MYG1: variants seen among roughly 807,000 people sequenced by gnomAD.
MYG1 encodes MYG1 exonuclease, also known as UPF0160 protein MYG1, mitochondrial.
In MYG1, 36 loss-of-function variants were observed where a neutral mutation model predicts 43.5. The ratio of observed to expected loss-of-function variants is 0.83; its 90% confidence interval spans 0.63 to 1.09. The LOEUF (loss-of-function observed/expected upper bound fraction) is 1.09. Ranked by LOEUF, MYG1 falls within the 50% of genes least tolerant of loss-of-function variation. The probability of loss-of-function intolerance (pLI) is 0.00; values close to 1 mark genes in which losing one functional copy is unlikely to be tolerated. For synonymous variants in MYG1, 220 were observed against 202.8 expected (o/e 1.08, Z -0.72); for missense variants, 529 against 495.1 (o/e 1.07, Z -0.65).
intron 2 of MYG1, among the ~76,000 whole-genome samples, chr12:53,302,775 G>T (rs1944241031): frequency 6.6e-6 from 1 of 152,104 alleles, no homozygotes; most frequent in Non-Finnish European, 1.5e-5. Flanking sequence ...GAACTGACCT[G>T]AAGGCTCTCC....
intron 2 of MYG1, 58 bp from the exon 3 acceptor site, chr12:53,302,976 T>C (rs1162028860): frequency 1.1e-5 from 16 of 1,484,518 alleles, no homozygotes; most frequent in Non-Finnish European, 1.5e-5. Context: ...ATTGAATGAA[T>C]GCATGGAGAC....
chr12:53,307,113 C>A lies in MYG1; in HGVS notation c.1095C>A (p.Thr365=). Reference sequence around the variant, plus strand: ...GTGCCTTGAGCATGGCCCGTGCCACCTTGGCCCAGCGCTCATACCTCCCAC... The same window carrying A: ...GTGCCTTGAGCATGGCCCGTGCCACATTGGCCCAGCGCTCATACCTCCCAC... The part of the protein sequence containing the change: ...REGALSMARA[T]LAQRSYLPQI... Residue 365 remains threonine, a synonymous_variant, in exon 7 of 7, where the codon ACC becomes ACA. Coordinates refer to ENST00000267103, the MANE Select transcript of MYG1 (RefSeq NM_021640.4). 5.6e-6 allele frequency: 9 copies of A among 1,613,586 alleles called. No individual in the cohort carries two copies. The highest frequency in any genetic ancestry group is 1.3e-5 in the African/African-American group (1 of 75,068).
chr12:53,304,704 C>T (rs1001868497), intron 3 of MYG1, among the ~76,000 whole-genome samples: 2 of 152,132 alleles, frequency 1.3e-5, no homozygotes, highest in African/African-American at 4.8e-5. Flanking sequence ...GTCTTCCCAC[C>T]TCAGCCCCCC....
At chr12:53,306,173 T>A (rs1944277184) in intron 4 of MYG1, 25 bp from the exon 5 acceptor site, 4 of 1,613,872 alleles carry the variant, frequency 2.5e-6, no homozygotes, top group Admixed American at 1.7e-5. Flanking sequence ...GCCAGCATCA[T>A]GGTTCTAATT....
intron 2 of MYG1, 41 bp downstream of exon 2, chr12:53,300,303 A>C: frequency 7.0e-7 from 1 of 1,430,770 alleles, no homozygotes; most frequent in Non-Finnish European, 9.4e-7. Flanking sequence ...CCTTGACCTC[A>C]GCTTTCCTCT....
chr12:53,300,828 C>T lies in MYG1; in HGVS notation c.329+566C>T, dbSNP rs541327965. Among the ~76,000 whole-genome samples the T allele has an allele frequency of 1.2e-4, 18 of 152,312 alleles. No homozygotes were observed. The East Asian group carries it at 3.3e-3, about 28-fold the overall frequency. On this transcript the variant is annotated intron_variant, in intron 2 of 6. Coordinates refer to ENST00000267103, the MANE Select transcript of MYG1 (RefSeq NM_021640.4). Reference sequence around the variant, plus strand: ...CTCAAACATCCTCAGCTCCCTCCTACCAACTAAGGGAAATTTCTTCCCTTC... The same window carrying T: ...CTCAAACATCCTCAGCTCCCTCCTATCAACTAAGGGAAATTTCTTCCCTTC...
intron 2 of MYG1, among the ~76,000 whole-genome samples, chr12:53,302,659 A>G (rs1659347705): frequency 6.6e-6 from 1 of 152,102 alleles, no homozygotes; most frequent in Admixed American, 6.5e-5. Flanking sequence ...AAGTTCCATC[A>G]AGACACTTGT....
chr12:53,299,778 T>TGCC lies in MYG1; in HGVS notation c.48_50dup (p.Pro18dup), dbSNP rs755136928. ...CTGCGCGGCCTCTTAACGCTGCTGCTGCCGCCGCCACCCCTGTATACCCGG... is the reference window on the plus strand; with the variant it reads ...CTGCGCGGCCTCTTAACGCTGCTGCTGCCGCCGCCGCCACCCCTGTATACCCGG... On this transcript the variant is annotated inframe_insertion, in exon 1 of 7. Coordinates refer to ENST00000267103, the MANE Select transcript of MYG1 (RefSeq NM_021640.4). 2.1e-5 allele frequency: 34 copies of TGCC among 1,613,890 alleles called. No homozygotes were observed. Among genetic ancestry groups the TGCC allele is most frequent in the Non-Finnish European group, 2.8e-5 (33 of 1,179,952 alleles).
At position 53,306,001 on chromosome 12, in the gene MYG1, C is replaced by T. The variant is rs539662599; in HGVS notation, c.583C>T (p.Leu195=). ...GEPRYALTTT[L]SARVARLNPT... The stretch of plus-strand genomic sequence containing the variant: ...GCCTCGATATGCACTGACCACTACC[C>T]TGAGTGCACGAGTTGCTCGACTTAA... The change falls in exon 4 of 7, where the codon CTG becomes TTG. Residue 195 remains leucine (L), a synonymous_variant. Transcript: ENST00000267103. 1 of 1,614,144 alleles carries T rather than the reference C, an allele frequency of 6.2e-7. No homozygotes were observed. The highest frequency in any genetic ancestry group is 8.5e-7 in the Non-Finnish European group (1 of 1,180,010).
rs376769284 is a variant in MYG1 at position 53,299,828 on chromosome 12, G to A, written c.91G>A (p.Val31Ile). 8 of 1,614,004 alleles carry A rather than the reference G, an allele frequency of 5.0e-6. No individual in the cohort carries two copies. Among genetic ancestry groups the A allele is most frequent in the Middle Eastern group, 1.6e-4 (1 of 6,084 alleles). Residue 31 changes from valine to isoleucine, a missense_variant, in exon 1 of 7, where the codon GTC (valine) becomes ATC (isoleucine). Val to Ile is a conservative substitution (Grantham distance 29, BLOSUM62 3). Coordinates refer to ENST00000267103, the MANE Select transcript of MYG1 (RefSeq NM_021640.4). ...GCACCGCATGCTCGGTCCAGAGTCCGTCCCGCCCCCAAAACGATCCCGCAG... is the reference window on the plus strand; with the variant it reads ...GCACCGCATGCTCGGTCCAGAGTCCATCCCGCCCCCAAAACGATCCCGCAG... ...TRHRMLGPES[V>I]PPPKRSRSKL...
chr12:53,300,158 G>A lies in MYG1; in HGVS notation c.225G>A (p.Glu75=). 6.3e-7 allele frequency: 1 copy of A among 1,599,848 alleles called. No individual in the cohort carries two copies. The highest frequency in any genetic ancestry group is 8.5e-7 in the Non-Finnish European group (1 of 1,172,406). The change falls in exon 2 of 7, where the codon GAG becomes GAA. Residue 75 remains glutamate, a synonymous_variant. Transcript: ENST00000267103. ...CCCTGTGTACCTCGCAGGATGCAGA[G>A]ATTGTGCGGACCCGGGATCCCGAAA... is the stretch of plus-strand genomic sequence containing the variant. The part of the protein sequence containing the change: ...LRLLPEYRDA[E]IVRTRDPEKL...
Position 53,300,174 on chromosome 12 carries a change from G to C in MYG1, c.241G>C (p.Asp81His), listed in dbSNP as rs201625641. ...GGATGCAGAGATTGTGCGGACCCGG[G>C]ATCCCGAAAAACTCGCTTCCTGTGA... is the stretch of plus-strand genomic sequence containing the variant. ...YRDAEIVRTR[D>H]PEKLASCDIV... Residue 81 changes from aspartate to histidine, a missense_variant, in exon 2 of 7, where the codon GAT becomes CAT. Asp to His is a moderately conservative substitution (Grantham distance 81). Coordinates refer to ENST00000267103, the MANE Select transcript of MYG1 (RefSeq NM_021640.4). 7 of 1,604,940 alleles carry C rather than the reference G, an allele frequency of 4.4e-6. No homozygotes were observed.
chr12:53,305,862 T>A, intron 3 of MYG1, 46 bp from the exon 4 acceptor site: 1 of 1,541,788 alleles, frequency 6.5e-7, no homozygotes, highest in Non-Finnish European at 8.7e-7. Flanking sequence ...AGATTTCACA[T>A]AAGTAGCAGG....
In MYG1 at chr12:53,303,155, A is replaced by G; in HGVS notation, c.451A>G (p.Ser151Gly). Residue 151 changes from serine (S) to glycine (G), a missense_variant, in exon 3 of 7, where the codon AGT becomes GGT. Physicochemically the swap from Ser to Gly is moderately conservative, Grantham distance 56. Transcript: ENST00000267103. The part of the protein sequence containing the change: ...HKLLAQLLGT[S>G]EEDSMVGTLY... The stretch of plus-strand genomic sequence containing the variant: ...GCTGCTGGCCCAGTTGCTGGGCACT[A>G]GTGAAGAGGACAGCATGGTGGGCAC... The G allele has an allele frequency of 6.2e-7, 1 of 1,614,154 alleles. No homozygotes were observed. The highest frequency in any genetic ancestry group is 8.5e-7 in the Non-Finnish European group (1 of 1,180,012).
At chr12:53,300,399 A>C in intron 2 of MYG1, 137 bp downstream of exon 2, 1 of 646,992 alleles carries the variant, frequency 1.5e-6, no homozygotes, top group Non-Finnish European at 2.6e-6. Flanking sequence ...CACTAGGACT[A>C]CATCATCCTT....
rs1345174244 is a variant in MYG1 at position 53,303,197 on chromosome 12, G to A, written c.489+4G>A. The A allele has an allele frequency of 4.3e-6, 7 of 1,612,714 alleles. No homozygotes were observed. Among genetic ancestry groups the A allele is most frequent in the Non-Finnish European group, 5.9e-6 (7 of 1,179,320 alleles). Reference sequence around the variant, plus strand: ...GGTGGGCACCCTCTATGACAAGGTGGGGACCTGAGGACAGAGATGCCCCCC... The same window carrying A: ...GGTGGGCACCCTCTATGACAAGGTGAGGACCTGAGGACAGAGATGCCCCCC... On this transcript the variant is annotated splice_donor_region_variant and intron_variant, in intron 3 of 6. Transcript: ENST00000267103.
chr12:53,300,310 C>T (rs1434360515), intron 2 of MYG1, 48 bp downstream of exon 2: 1 of 1,386,054 alleles, frequency 7.2e-7, no homozygotes, highest in Non-Finnish European at 9.8e-7. Context: ...CTCAGCTTTC[C>T]TCTGTGCTCC....
chr12:53,300,390 A>G (rs932676712), intron 2 of MYG1, 128 bp downstream of exon 2: 43 of 676,516 alleles, frequency 6.4e-5, no homozygotes, highest in Admixed American at 1.9e-4. Context: ...TCAAACTCCC[A>G]CTAGGACTAC....
rs758461666 is a variant in MYG1 at position 53,299,953 on chromosome 12, G to A, written c.216G>A (p.Arg72=). 8.1e-6 allele frequency: 13 copies of A among 1,614,132 alleles called. No individual in the cohort carries two copies. In the East Asian group the frequency reaches 2.9e-4, roughly 36 times the overall value. ...CALLRLLPEY[R]DAEIVRTRDP... is the part of the protein sequence containing the mutation. ...TGCTTCGCCTCCTGCCGGAGTACCG[G>A]GTACGGTCCGCGAAAAGTGACCCTG... is the stretch of plus-strand genomic sequence containing the variant. Residue 72 remains arginine, a splice_region_variant and synonymous_variant, in exon 1 of 7, where the codon CGG becomes CGA. Transcript: ENST00000267103.
Sources: gnomAD v4.1 joint callset for allele counts (sites outside exome capture counted in the v4.1 genomes callset) on GRCh38, gnomAD v4.1.1 for gene constraint, MANE v1.5 for transcripts, NCBI Gene and HGNC (gene_info 2026-07-23, HGNC 2026-07-21) for gene names.